ZBTB20: variants seen among roughly 807,000 people sequenced by gnomAD.
ZBTB20 encodes zinc finger and BTB domain-containing protein 20.
Under a neutral mutation model 56.9 loss-of-function variants are expected in ZBTB20, and 9 were observed. The ratio of observed to expected loss-of-function variants is 0.16; its 90% CI spans 0.10 to 0.28. The LOEUF is 0.28. ZBTB20 is among the 10% of genes least tolerant of loss of function. The probability of loss-of-function intolerance (pLI) is 1.00; values close to 1 mark genes in which losing one functional copy is unlikely to be tolerated. For missense variants in ZBTB20, 655 were observed against 1,003.0 expected, an observed-to-expected ratio of 0.65 and a Z score of 4.69; for synonymous variants, 417 against 420.7, an observed-to-expected ratio of 0.99 and a Z score of 0.11.
At chr3:115,092,095 T>C (rs1461831755) in intron 1 of ZBTB20, among the ~76,000 whole-genome samples, 1 of 152,146 alleles carries the variant, frequency 6.6e-6, no homozygotes, top group Non-Finnish European at 1.5e-5. Context: ...ATTTTTTATA[T>C]ACCCTGATAG....
chr3:114,933,720 CCACTA>C (rs2076436082), intron 3 of ZBTB20, among the ~76,000 whole-genome samples: 1 of 152,184 alleles, frequency 6.6e-6, no homozygotes, highest in Admixed American at 6.5e-5. Flanking sequence ...CAGATTATAA[CCACTA>C]CACATCTACA....
chr3:114,741,875 T>TAA (rs554920594), intron 5 of ZBTB20, among the ~76,000 whole-genome samples: 82 of 100,470 alleles, frequency 8.2e-4, no homozygotes, highest in East Asian at 4.8e-3. Context: ...AGCAAGACTG[T>TAA]AAAAAAAAAA....
At chr3:114,561,539 G>A (rs1352984881) in intron 6 of ZBTB20, among the ~76,000 whole-genome samples, 3 of 152,028 alleles carry the variant, frequency 2.0e-5, no homozygotes, top group Non-Finnish European at 2.9e-5. Context: ...AGAGTTTTTC[G>A]GTGACCAGGT....
chr3:114,833,546 T>A (rs1482313291), intron 4 of ZBTB20, among the ~76,000 whole-genome samples: 1 of 152,098 alleles, frequency 6.6e-6, no homozygotes, highest in East Asian at 1.9e-4. Context: ...TTTATTTTTT[T>A]TTAGATATGG....
intron 7 of ZBTB20, among the ~76,000 whole-genome samples, chr3:114,498,509 A>G (rs1182925068): frequency 6.6e-6 from 1 of 152,160 alleles, no homozygotes. Context: ...GCCATCAACC[A>G]TCAACTGTGT....
At chr3:114,400,522 T>C (rs1269962380) in intron 7 of ZBTB20, among the ~76,000 whole-genome samples, 2 of 152,076 alleles carry the variant, frequency 1.3e-5, no homozygotes, top group Admixed American at 6.6e-5. Flanking sequence ...GCAGCTCAAA[T>C]CCCACTCCAT....
At chr3:115,069,707 T>C (rs2082337284) in intron 2 of ZBTB20, among the ~76,000 whole-genome samples, 1 of 152,132 alleles carries the variant, frequency 6.6e-6, no homozygotes, top group South Asian at 2.1e-4. Flanking sequence ...ATCCATAACA[T>C]TATATTTGTA....
chr3:114,608,779 G>T (rs2057348103), intron 6 of ZBTB20, among the ~76,000 whole-genome samples: 1 of 152,012 alleles, frequency 6.6e-6, no homozygotes, highest in Non-Finnish European at 1.5e-5. Context: ...GTAACAGAGG[G>T]TTTCTTTTTT....
rs528246476 is a variant in ZBTB20 at position 115,097,763 on chromosome 3, G to A, written c.-702-26349C>T. 3.9e-5 allele frequency among the ~76,000 whole-genome samples: 6 copies of A among 152,212 alleles called. No homozygotes were observed. The South Asian group carries it at 6.2e-4, about 16-fold the overall frequency. On this transcript the variant is annotated intron_variant, in intron 1 of 11. Transcript: ENST00000675478. ...ATAAGGCTGATTAATGAATTTTTCT[G>A]GCATTCTATAGCGCTCCTGTAACGC...
intron 1 of ZBTB20, among the ~76,000 whole-genome samples, chr3:115,078,157 T>C (rs1267819269): frequency 1.3e-5 from 2 of 152,216 alleles, no homozygotes; most frequent in Non-Finnish European, 2.9e-5. Context: ...AATCACCTAA[T>C]AGACTTCTTA....
In ZBTB20 at chr3:114,576,915, TTTAA is replaced by T. The variant is rs529562066; in HGVS notation, c.-294-76528_-294-76525del. ...TTTTTATAAAACGAATATTAGTTAA[TTTAA>T]TTAACATTAAAAATAATAACCATAA... On this transcript the variant is annotated intron_variant, in intron 6 of 11. Transcript: ENST00000675478. 1.4e-3 allele frequency among the ~76,000 whole-genome samples: 212 copies of T among 152,246 alleles called. 5 individuals carry two copies. Among genetic ancestry groups the T allele is most frequent in the Admixed American group, 0.011 (164 of 15,292 alleles).
At chr3:114,371,351 C>T (rs1238233414) in intron 10 of ZBTB20, among the ~76,000 whole-genome samples, 1 of 152,118 alleles carries the variant, frequency 6.6e-6, no homozygotes, top group Non-Finnish European at 1.5e-5. Context: ...TTTTTCTCCA[C>T]CTTTGTGTCC....
chr3:114,473,081 A>C (rs2040328043), intron 7 of ZBTB20, among the ~76,000 whole-genome samples: 1 of 152,206 alleles, frequency 6.6e-6, no homozygotes, highest in Admixed American at 6.5e-5. Context: ...GAATAGCCAG[A>C]GCACTGAAAT....
At chr3:114,719,323 C>T (rs1046457931) in intron 5 of ZBTB20, among the ~76,000 whole-genome samples, 1 of 151,934 alleles carries the variant, frequency 6.6e-6, no homozygotes, top group Non-Finnish European at 1.5e-5. Flanking sequence ...TTGATAATGG[C>T]CACAGGAATT....
At chr3:114,709,864 T>G (rs2063949144) in intron 5 of ZBTB20, among the ~76,000 whole-genome samples, 1 of 152,196 alleles carries the variant, frequency 6.6e-6, no homozygotes, top group Non-Finnish European at 1.5e-5. Context: ...TCTCCATCCT[T>G]GCTCCGTCAT....
chr3:114,975,794 C>CATGATATAT (rs2078075098), intron 2 of ZBTB20, among the ~76,000 whole-genome samples: 2 of 152,168 alleles, frequency 1.3e-5, no homozygotes, highest in African/African-American at 4.8e-5. Context: ...AATTTGGTAA[C>CATGATATAT]TACATGATAT....
At chr3:114,972,226 G>A (rs1196215513) in intron 3 of ZBTB20, among the ~76,000 whole-genome samples, 2 of 152,196 alleles carry the variant, frequency 1.3e-5, no homozygotes, top group African/African-American at 4.8e-5. Flanking sequence ...GATCATTAAA[G>A]TGAGTCCATT....
intron 1 of ZBTB20, among the ~76,000 whole-genome samples, chr3:115,081,926 A>G (rs1054812477): frequency 6.6e-6 from 1 of 152,212 alleles, no homozygotes; most frequent in Non-Finnish European, 1.5e-5. Flanking sequence ...CAATAGTTAC[A>G]GTGTCTGATT....
At chr3:114,727,108 G>A (rs1334012149) in intron 5 of ZBTB20, among the ~76,000 whole-genome samples, 1 of 151,822 alleles carries the variant, frequency 6.6e-6, no homozygotes, top group Non-Finnish European at 1.5e-5. Flanking sequence ...GATTACCTAG[G>A]GATCAAAATT....
Sources: gnomAD v4.1 joint callset for allele counts (sites outside exome capture counted in the v4.1 genomes callset) on GRCh38, gnomAD v4.1.1 for gene constraint, MANE v1.5 for transcripts, NCBI Gene and HGNC (gene_info 2026-07-23, HGNC 2026-07-21) for gene names.